PGCKA1: variants seen among roughly 807,000 people sequenced by gnomAD.
The protein encoded by PGCKA1 is PDCD10 and GCKIII kinases-associated protein 1.
chr4:37,583,369 G>A, the PGCKA1 span, among the ~76,000 whole-genome samples: 1 of 152,146 alleles, frequency 6.6e-6, no homozygotes, highest in Non-Finnish European at 1.5e-5. Context: ...CTCCCAGCAA[G>A]GAGGCTTCAC....
chr4:37,516,296 A>G, the PGCKA1 span, among the ~76,000 whole-genome samples: 1 of 152,364 alleles, frequency 6.6e-6, no homozygotes, highest in African/African-American at 2.4e-5. Context: ...CTGCATTTTA[A>G]CAAGATACCC....
At chr4:37,518,292 T>G in the PGCKA1 span, among the ~76,000 whole-genome samples, 1 of 152,216 alleles carries the variant, frequency 6.6e-6, no homozygotes, top group Non-Finnish European at 1.5e-5. Context: ...TACCCAGCAG[T>G]GGGATTGCTA....
the PGCKA1 span, among the ~76,000 whole-genome samples, chr4:37,485,374 G>A: frequency 6.6e-6 from 1 of 152,084 alleles, no homozygotes; most frequent in African/African-American, 2.4e-5. Flanking sequence ...CATTATCTTG[G>A]GAGTGGGTTC....
chr4:37,474,252 G>A, the PGCKA1 span, among the ~76,000 whole-genome samples: 1 of 152,044 alleles, frequency 6.6e-6, no homozygotes, highest in Admixed American at 6.6e-5. Flanking sequence ...TCTTTCTCAC[G>A]GGTTTCTCTC....
chr4:37,495,081 A>C, the PGCKA1 span, among the ~76,000 whole-genome samples: 3 of 152,272 alleles, frequency 2.0e-5, no homozygotes, highest in Admixed American at 2.0e-4. Context: ...ATATGAACAG[A>C]CACTTCTCAA....
At chr4:37,468,900 C>T in the PGCKA1 span, among the ~76,000 whole-genome samples, 4 of 152,024 alleles carry the variant, frequency 2.6e-5, no homozygotes, top group South Asian at 2.1e-4. Flanking sequence ...TCGGAAAAAA[C>T]GTTAAGCCTC....
chr4:37,568,714 A>C, the PGCKA1 span, among the ~76,000 whole-genome samples: 14 of 152,250 alleles, frequency 9.2e-5, no homozygotes, highest in Non-Finnish European at 1.8e-4. Flanking sequence ...GCACGGAAGT[A>C]CTGAAGCATG....
the PGCKA1 span, among the ~76,000 whole-genome samples, chr4:37,541,784 C>T: frequency 6.6e-6 from 1 of 152,078 alleles, no homozygotes; most frequent in African/African-American, 2.4e-5. Flanking sequence ...TGCTGAACTC[C>T]TATTAACCTC....
the PGCKA1 span, among the ~76,000 whole-genome samples, chr4:37,521,681 T>C: frequency 1.1e-4 from 16 of 152,376 alleles, no homozygotes; most frequent in East Asian, 3.1e-3. Flanking sequence ...TGAAATGTTC[T>C]GTAAATATCT....
At chr4:37,455,478 A>G in the PGCKA1 span, among the ~76,000 whole-genome samples, 1 of 152,296 alleles carries the variant, frequency 6.6e-6, no homozygotes, top group East Asian at 1.9e-4. Flanking sequence ...GGTGTGGCTT[A>G]CTTCTCTTCT....
chr4:37,534,921 G>A, the PGCKA1 span, among the ~76,000 whole-genome samples: 1 of 152,198 alleles, frequency 6.6e-6, no homozygotes, highest in African/African-American at 2.4e-5. Context: ...AAATGGGTGA[G>A]AATTATTTCC....
the PGCKA1 span, among the ~76,000 whole-genome samples, chr4:37,544,811 C>A: frequency 2.0e-5 from 3 of 148,616 alleles, no homozygotes; most frequent in Non-Finnish European, 3.0e-5. Flanking sequence ...CCTCCAAGTG[C>A]TTTTTGTTGG....
At chr4:37,561,593 T>G in the PGCKA1 span, among the ~76,000 whole-genome samples, 9 of 151,956 alleles carry the variant, frequency 5.9e-5, no homozygotes, top group African/African-American at 2.2e-4. Flanking sequence ...AAGCTGTGTA[T>G]GAGATAGAAA....
At chr4:37,493,355 A>T in the PGCKA1 span, among the ~76,000 whole-genome samples, 2 of 152,338 alleles carry the variant, frequency 1.3e-5, no homozygotes, top group East Asian at 3.9e-4. Flanking sequence ...TAAAAAGCTA[A>T]TTCATTTGTG....
chr4:37,545,841 A>G, the PGCKA1 span, among the ~76,000 whole-genome samples: 5 of 152,230 alleles, frequency 3.3e-5, no homozygotes, highest in Admixed American at 2.0e-4. Context: ...CTCCAAAAAT[A>G]ATAATTCTAA....
At chr4:37,561,143 G>A in the PGCKA1 span, among the ~76,000 whole-genome samples, 4 of 152,060 alleles carry the variant, frequency 2.6e-5, no homozygotes, top group African/African-American at 7.2e-5. Context: ...TTATCTCTGA[G>A]GCACCTGACA....
chr4:37,485,656 T>C, the PGCKA1 span, among the ~76,000 whole-genome samples: 3 of 152,166 alleles, frequency 2.0e-5, no homozygotes, highest in Non-Finnish European at 4.4e-5. Flanking sequence ...TTAAATCCTA[T>C]TAAGCCTCAG....
At chr4:37,509,634 C>T in the PGCKA1 span, among the ~76,000 whole-genome samples, 3 of 151,156 alleles carry the variant, frequency 2.0e-5, no homozygotes, top group Non-Finnish European at 4.4e-5. Flanking sequence ...GAGGTTGTAG[C>T]GAGCCGAGAT....
the PGCKA1 span, among the ~76,000 whole-genome samples, chr4:37,465,542 T>C: frequency 6.6e-4 from 100 of 152,210 alleles, no homozygotes; most frequent in Non-Finnish European, 1.3e-3. Flanking sequence ...CTGAGAAATG[T>C]CTTGAGCACG....
Sources: allele counts gnomAD v4.1 joint callset (sites outside exome capture counted in the v4.1 genomes callset), GRCh38; gene constraint gnomAD v4.1.1; transcripts MANE v1.5; gene names NCBI Gene and HGNC (gene_info 2026-07-23, HGNC 2026-07-21).